The following UNC13C variants were observed in gnomAD, a reference collection of about 807,000 sequenced individuals.
The protein encoded by UNC13C is protein unc-13 homolog C.
In UNC13C, 174 loss-of-function variants were observed where a neutral mutation model predicts 245.4. The ratio of observed to expected loss-of-function variants is 0.71; its 90% CI spans 0.63 to 0.80. The LOEUF (loss-of-function observed/expected upper bound fraction) is 0.80. Among genes scored for constraint, UNC13C ranks in the 30% least tolerant of loss-of-function variants. The pLI is 0.00. For missense variants in UNC13C, 2,829 were observed against 2,602.9 expected (o/e 1.09, Z -1.89); for synonymous variants, 992 against 895.1 (o/e 1.11, Z -1.93).
At chr15:54,426,279 C>G (rs2040757365) in intron 19 of UNC13C, among the ~76,000 whole-genome samples, 1 of 149,724 alleles carries the variant, frequency 6.7e-6, no homozygotes, top group African/African-American at 2.5e-5. Context: ...AGGACTTGGC[C>G]TCATCTGAAA....
intron 16 of UNC13C, among the ~76,000 whole-genome samples, chr15:54,337,409 T>C (rs2038612913): frequency 6.6e-6 from 1 of 152,182 alleles, no homozygotes; most frequent in Non-Finnish European, 1.5e-5. Context: ...CCTAATAGGC[T>C]TCTTAAACTG....
chr15:54,062,683 T>C (rs1335117374), intron 2 of UNC13C, among the ~76,000 whole-genome samples: 2 of 152,184 alleles, frequency 1.3e-5, no homozygotes, highest in African/African-American at 2.4e-5. Context: ...ACAAGGGAGC[T>C]TGATAGTCAT....
At chr15:54,546,321 G>A (rs142575679) in intron 26 of UNC13C, among the ~76,000 whole-genome samples, 33 of 152,260 alleles carry the variant, frequency 2.2e-4, no homozygotes, top group African/African-American at 6.0e-4. Flanking sequence ...GCCTGTCGCC[G>A]GGTGGAGGGC....
chr15:54,260,593 GTA>G (rs935254675), intron 8 of UNC13C, among the ~76,000 whole-genome samples: 36 of 148,138 alleles, frequency 2.4e-4, no homozygotes, highest in Non-Finnish European at 1.8e-4. Flanking sequence ...TGTATATTAT[GTA>G]TATATGTGTG....
intron 4 of UNC13C, among the ~76,000 whole-genome samples, chr15:54,171,057 T>C (rs2033380970): frequency 6.6e-6 from 1 of 152,116 alleles, no homozygotes; most frequent in South Asian, 2.1e-4. Flanking sequence ...TTAATGAGTT[T>C]TGTCAAATGT....
intron 28 of UNC13C, among the ~76,000 whole-genome samples, chr15:54,554,549 A>G (rs1897016267): frequency 6.6e-6 from 1 of 152,002 alleles, no homozygotes; most frequent in African/African-American, 2.4e-5. Flanking sequence ...CTAATTCACA[A>G]AGTCACCTAC....
chr15:54,580,833 C>G (rs373480872), intron 30 of UNC13C, among the ~76,000 whole-genome samples: 2 of 152,302 alleles, frequency 1.3e-5, no homozygotes, highest in Admixed American at 6.5e-5. Flanking sequence ...AGCTGTACCT[C>G]CACATTCCTA....
At chr15:54,420,745 G>T (rs893514189) in intron 19 of UNC13C, among the ~76,000 whole-genome samples, 31 of 151,766 alleles carry the variant, frequency 2.0e-4, no homozygotes, top group African/African-American at 6.5e-4. Flanking sequence ...AGGAAAATGA[G>T]GTGAGCAAGA....
intron 30 of UNC13C, among the ~76,000 whole-genome samples, chr15:54,608,266 C>T (rs1899884774): frequency 6.6e-6 from 1 of 152,152 alleles, no homozygotes; most frequent in African/African-American, 2.4e-5. Flanking sequence ...CATTTATAAG[C>T]ACCAAATATG....
chr15:53,979,417 T>C (rs1893834820), intron 1 of UNC13C, among the ~76,000 whole-genome samples: 1 of 124,536 alleles, frequency 8.0e-6, no homozygotes, highest in African/African-American at 2.6e-5. Flanking sequence ...TTTTTATTTC[T>C]AGCTCTTCAT....
chr15:54,468,920 G>T (rs1377201943), intron 19 of UNC13C, among the ~76,000 whole-genome samples: 1 of 151,540 alleles, frequency 6.6e-6, no homozygotes, highest in Non-Finnish European at 1.5e-5. Flanking sequence ...GCTATTTCAA[G>T]ACTTTTGTGA....
At chr15:54,255,313 T>C (rs1313316044) in intron 8 of UNC13C, among the ~76,000 whole-genome samples, 3 of 152,108 alleles carry the variant, frequency 2.0e-5, no homozygotes, top group African/African-American at 7.2e-5. Flanking sequence ...AAGGTTTTAT[T>C]GAGTGGAAGT....
At chr15:54,178,556 TAAAC>T (rs2141297809) in intron 4 of UNC13C, among the ~76,000 whole-genome samples, 1 of 152,224 alleles carries the variant, frequency 6.6e-6, no homozygotes, top group African/African-American at 2.4e-5. Context: ...AAGGATTAAA[TAAAC>T]AAATTCCAAG....
intron 17 of UNC13C, among the ~76,000 whole-genome samples, chr15:54,371,910 A>G (rs927774073): frequency 3.9e-5 from 6 of 152,144 alleles, no homozygotes; most frequent in African/African-American, 1.4e-4. Context: ...CATAAGAACA[A>G]TGAGTAAAGT....
chr15:54,259,982 A>T (rs992564149), intron 8 of UNC13C, among the ~76,000 whole-genome samples: 2 of 151,974 alleles, frequency 1.3e-5, no homozygotes, highest in African/African-American at 2.4e-5. Flanking sequence ...CAAGAATTTC[A>T]TAACACATTA....
chr15:54,611,331 GGGTTAACAGGATGCAATT>G (rs1215703970), intron 30 of UNC13C: 7 of 152,202 alleles, frequency 4.6e-5, no homozygotes, highest in South Asian at 4.1e-4. Flanking sequence ...GGTTTAGAAG[GGGTTAACAGGATGCAATT>G]GGTTAACAGG....
chr15:54,241,236 A>C (rs1199293601), intron 7 of UNC13C, among the ~76,000 whole-genome samples: 3 of 152,162 alleles, frequency 2.0e-5, no homozygotes. Flanking sequence ...GCAGGCTTCT[A>C]GGAAGTGTTC....
intron 30 of UNC13C, among the ~76,000 whole-genome samples, chr15:54,620,345 T>C (rs1388292531): frequency 2.0e-5 from 3 of 152,188 alleles, no homozygotes; most frequent in Non-Finnish European, 2.9e-5. Flanking sequence ...TGTATACGTT[T>C]AGAGTCCCTT....
chr15:54,153,922 A>G (rs1180592041), intron 4 of UNC13C, among the ~76,000 whole-genome samples: 2 of 152,034 alleles, frequency 1.3e-5, no homozygotes, highest in Non-Finnish European at 2.9e-5. Flanking sequence ...AAATTGGTAT[A>G]TAATAGAGGT....
Sources: gnomAD v4.1 joint callset for allele counts (sites outside exome capture counted in the v4.1 genomes callset) on GRCh38, gnomAD v4.1.1 for gene constraint, MANE v1.5 for transcripts, NCBI Gene and HGNC (gene_info 2026-07-23, HGNC 2026-07-21) for gene names.